Variants in GYPC observed in about 807,000 individuals in gnomAD.
GYPC encodes glycophorin C (Gerbich blood group).
GYPC carries 14 observed loss-of-function variants against 12.6 expected under a neutral mutation model. The observed-to-expected ratio is 1.11, with a 90% CI of 0.74 to 1.74. GYPC has a LOEUF of 1.74. GYPC is among the 40% of genes most tolerant of loss of function. GYPC has a pLI of 0.00. For missense variants in GYPC, 225 were observed against 172.1 expected (o/e 1.31, Z -1.72); for synonymous variants, 78 against 62.1 (o/e 1.26, Z -1.20).
In GYPC at chr2:126,656,225, G is replaced by T. The variant is rs545953277; in HGVS notation, c.-39G>T. On this transcript the variant is annotated 5_prime_UTR_variant, in exon 1 of 4. Coordinates refer to ENST00000259254, the MANE Select transcript of GYPC (RefSeq NM_002101.5). ...CCCCGGCCCGGCCTGGCCCGGCCTGGCCAGTCCCCGCGGTCTCTGCCCGGG... is the reference window on the plus strand; with the variant it reads ...CCCCGGCCCGGCCTGGCCCGGCCTGTCCAGTCCCCGCGGTCTCTGCCCGGG... 1.6e-5 allele frequency: 25 copies of T among 1,582,682 alleles called. No individual in the cohort carries two copies. The highest frequency in any genetic ancestry group is 1.9e-5 in the Non-Finnish European group (22 of 1,167,658).
At chr2:126,669,360 A>G (rs950282956) in intron 1 of GYPC, among the ~76,000 whole-genome samples, 1 of 152,112 alleles carries the variant, frequency 6.6e-6, no homozygotes, top group East Asian at 1.9e-4. Flanking sequence ...CATGTCTGTG[A>G]GTGTCAGGGC....
chr2:126,692,724 A>G (rs185542570), intron 2 of GYPC, among the ~76,000 whole-genome samples: 9 of 152,268 alleles, frequency 5.9e-5, no homozygotes, highest in Non-Finnish European at 8.8e-5. Flanking sequence ...ACACTCAGTA[A>G]CTTGGATAGT....
At chr2:126,694,212 G>T (rs372980785) in intron 3 of GYPC, among the ~76,000 whole-genome samples, 1 of 152,162 alleles carries the variant, frequency 6.6e-6, no homozygotes, top group Non-Finnish European at 1.5e-5. Flanking sequence ...TGGAGAGGCA[G>T]CAGTTTTGGT....
intron 1 of GYPC, among the ~76,000 whole-genome samples, chr2:126,671,138 G>A (rs1417445174): frequency 2.6e-5 from 4 of 152,178 alleles, no homozygotes; most frequent in African/African-American, 7.2e-5. Context: ...CTGGGCCCAC[G>A]AGAAGAGCAT....
intron 1 of GYPC, among the ~76,000 whole-genome samples, chr2:126,669,358 T>C (rs916974484): frequency 6.6e-6 from 1 of 152,154 alleles, no homozygotes; most frequent in East Asian, 1.9e-4. Flanking sequence ...GACATGTCTG[T>C]GAGTGTCAGG....
intron 1 of GYPC, 64 bp downstream of exon 1, chr2:126,656,376 G>A (rs1682355395): frequency 2.1e-6 from 3 of 1,422,402 alleles, no homozygotes; most frequent in South Asian, 1.2e-5. Flanking sequence ...GCAGCAGCCA[G>A]GGGCCGAGCC....
chr2:126,695,201 G>T (rs764657320), intron 3 of GYPC, among the ~76,000 whole-genome samples: 1 of 152,160 alleles, frequency 6.6e-6, no homozygotes, highest in Non-Finnish European at 1.5e-5. Context: ...CCCCTGTATA[G>T]TGTACATAGA....
At chr2:126,689,263 G>A (rs970399078) in intron 1 of GYPC, among the ~76,000 whole-genome samples, 4 of 152,242 alleles carry the variant, frequency 2.6e-5, no homozygotes, top group Admixed American at 1.3e-4. Flanking sequence ...CACTGGCCAA[G>A]TCCTGACCTG....
chr2:126,679,655 AT>A (rs1683101622), intron 1 of GYPC: 1 of 152,166 alleles, frequency 6.6e-6, no homozygotes, highest in Non-Finnish European at 1.5e-5. Flanking sequence ...AGGCGGGTGG[AT>A]CACCTGAGGT....
chr2:126,672,211 C>T (rs918222324), intron 1 of GYPC, among the ~76,000 whole-genome samples: 1 of 152,140 alleles, frequency 6.6e-6, no homozygotes, highest in Non-Finnish European at 1.5e-5. Flanking sequence ...CCTTCAAGGC[C>T]CCTCCAGAAG....
At chr2:126,686,181 G>A (rs28369994) in intron 1 of GYPC, 12,476 of 985,402 alleles carry the variant, frequency 0.013, 95 homozygotes, top group Non-Finnish European at 0.014. Context: ...GGCAACAGAG[G>A]AGTGTGACTT....
intron 1 of GYPC, among the ~76,000 whole-genome samples, chr2:126,669,222 C>A (rs1682771506): frequency 6.6e-6 from 1 of 152,186 alleles, no homozygotes; most frequent in Non-Finnish European, 1.5e-5. Flanking sequence ...GGATACGAAG[C>A]AGGAAGAACA....
intron 1 of GYPC, among the ~76,000 whole-genome samples, chr2:126,680,929 C>T (rs1051753819): frequency 3.3e-5 from 5 of 152,168 alleles, no homozygotes; most frequent in African/African-American, 9.7e-5. Flanking sequence ...GTGCAGGCAT[C>T]CAGTGGGAAC....
chr2:126,664,182 T>G (rs1041441782), intron 1 of GYPC, among the ~76,000 whole-genome samples: 2 of 152,094 alleles, frequency 1.3e-5, no homozygotes, highest in Non-Finnish European at 2.9e-5. Flanking sequence ...ATCCTGAGTA[T>G]TCCCTTTTTA....
At chr2:126,673,791 C>T (rs1341959197) in intron 1 of GYPC, among the ~76,000 whole-genome samples, 1 of 152,310 alleles carries the variant, frequency 6.6e-6, no homozygotes, top group South Asian at 2.1e-4. Context: ...TGTGTACACA[C>T]ATACATGCAC....
chr2:126,694,929 G>A (rs1487635325), intron 3 of GYPC, among the ~76,000 whole-genome samples: 1 of 152,076 alleles, frequency 6.6e-6, no homozygotes, highest in Non-Finnish European at 1.5e-5. Context: ...GCTTCACACT[G>A]TACTTCCCCA....
chr2:126,687,497 C>A (rs1194072325), intron 1 of GYPC, among the ~76,000 whole-genome samples: 1 of 152,222 alleles, frequency 6.6e-6, no homozygotes, highest in African/African-American at 2.4e-5. Context: ...CAGCCTTGAG[C>A]TTCCTCTCTA....
At position 126,656,291 on chromosome 2, in the gene GYPC, A is replaced by G. The variant is rs754099688; in HGVS notation, c.28A>G (p.Thr10Ala). The G allele has an allele frequency of 8.1e-6, 13 of 1,600,472 alleles. No homozygotes were observed. In the Admixed American group the frequency reaches 2.2e-4, roughly 27 times the overall value. Residue 10 changes from threonine to alanine, a missense_variant, in exon 1 of 4, where the codon ACG becomes GCG. Thr to Ala is a moderately conservative substitution (Grantham distance 58). Transcript: ENST00000259254. MWSTRSPNS[T>A]AWPLSLEPDP... The stretch of plus-strand genomic sequence containing the variant: ...GTGGTCGACGAGAAGCCCCAACAGC[A>G]CGGCGTGGCCTCTCAGCCTCGGTGA...
At position 126,684,367 on chromosome 2, in the gene GYPC, C is replaced by G. The variant is rs113885980; in HGVS notation, c.50-5888C>G. ...TGAAGCCCTCATAGCATACATCCAG[C>G]AGGTCCCTGGAGCCCATGGTGATCA... On this transcript the variant is annotated intron_variant, in intron 1 of 3. Transcript: ENST00000259254. Among the ~76,000 whole-genome samples the G allele has an allele frequency of 5.2e-3, 789 of 152,292 alleles. 18 individuals are homozygous for G. In the South Asian group the frequency reaches 0.058, roughly 11 times the overall value.
Sources: gnomAD v4.1 joint callset for allele counts (sites outside exome capture counted in the v4.1 genomes callset) on GRCh38, gnomAD v4.1.1 for gene constraint, MANE v1.5 for transcripts, NCBI Gene and HGNC (gene_info 2026-07-23, HGNC 2026-07-21) for gene names.